ADGRL3: variants seen among roughly 807,000 people sequenced by gnomAD.
ADGRL3 encodes adhesion G protein-coupled receptor L3.
Under a neutral mutation model 153.5 loss-of-function variants are expected in ADGRL3, and 62 were observed. The observed-to-expected ratio is 0.40, with a 90% CI of 0.33 to 0.50. The LOEUF is 0.50. Ranked by LOEUF, ADGRL3 falls within the 20% of genes least tolerant of loss-of-function variation. The pLI is 0.47. For synonymous variants in ADGRL3, 710 were observed against 672.5 expected (o/e 1.06, Z -0.86); for missense variants, 1,641 against 1,859.4 (o/e 0.88, Z 2.16).
chr4:62,003,099 G>T (rs892301868), intron 21 of ADGRL3, among the ~76,000 whole-genome samples: 1 of 152,038 alleles, frequency 6.6e-6, no homozygotes, highest in African/African-American at 2.4e-5. Flanking sequence ...TGAAATAATG[G>T]CCATTTTAAG....
intron 8 of ADGRL3, among the ~76,000 whole-genome samples, chr4:61,743,758 C>G (rs1027836222): frequency 1.3e-5 from 2 of 152,286 alleles, no homozygotes; most frequent in Middle Eastern, 3.4e-3. Context: ...GGAACAGCTC[C>G]GCTCTACAGC....
chr4:61,338,636 A>C (rs961146417), intron 1 of ADGRL3, among the ~76,000 whole-genome samples: 5 of 152,130 alleles, frequency 3.3e-5, no homozygotes, highest in Non-Finnish European at 7.3e-5. Flanking sequence ...ATGTGTTGCT[A>C]TTTCCGAATT....
intron 9 of ADGRL3, among the ~76,000 whole-genome samples, chr4:61,881,267 A>T (rs773322603): frequency 6.6e-6 from 1 of 152,236 alleles, no homozygotes; most frequent in African/African-American, 2.4e-5. Flanking sequence ...TCTGCAATAG[A>T]TCAAAGTTAC....
intron 8 of ADGRL3, among the ~76,000 whole-genome samples, chr4:61,737,475 C>T (rs1435252897): frequency 6.6e-6 from 1 of 152,132 alleles, no homozygotes; most frequent in Non-Finnish European, 1.5e-5. Context: ...GCTTGGGAGT[C>T]AGAAGGACGT....
chr4:61,552,312 C>T (rs868355389), intron 4 of ADGRL3, among the ~76,000 whole-genome samples: 2 of 152,150 alleles, frequency 1.3e-5, no homozygotes, highest in Non-Finnish European at 2.9e-5. Flanking sequence ...ATTTGATTCA[C>T]ATGTTTCAAC....
chr4:61,532,238 C>G (rs2098623073), intron 4 of ADGRL3, among the ~76,000 whole-genome samples: 1 of 152,136 alleles, frequency 6.6e-6, no homozygotes, highest in Non-Finnish European at 1.5e-5. Context: ...ATAGCCAGAG[C>G]AGCTTTCTGC....
At chr4:61,347,150 G>A (rs1292893650) in intron 1 of ADGRL3, among the ~76,000 whole-genome samples, 1 of 152,028 alleles carries the variant, frequency 6.6e-6, no homozygotes, top group East Asian at 1.9e-4. Context: ...TATCTTCACT[G>A]AATGTGAAAC....
intron 2 of ADGRL3, among the ~76,000 whole-genome samples, chr4:61,477,078 C>T (rs953952103): frequency 1.1e-4 from 16 of 151,816 alleles, no homozygotes; most frequent in African/African-American, 2.2e-4. Flanking sequence ...ATATCTGATA[C>T]GTAATTTAAA....
chr4:61,750,617 C>T (rs1029155168), intron 8 of ADGRL3, among the ~76,000 whole-genome samples: 10 of 151,872 alleles, frequency 6.6e-5, no homozygotes, highest in Non-Finnish European at 1.5e-4. Context: ...CGGTGAAACC[C>T]CGTCTCTACT....
intron 5 of ADGRL3, among the ~76,000 whole-genome samples, chr4:61,668,270 A>T (rs1379047499): frequency 6.6e-6 from 1 of 152,232 alleles, no homozygotes; most frequent in Non-Finnish European, 1.5e-5. Context: ...GAATGAGGGC[A>T]CAGCCTCTAG....
chr4:61,503,561 A>T (rs547225640), intron 3 of ADGRL3, among the ~76,000 whole-genome samples: 1 of 152,076 alleles, frequency 6.6e-6, no homozygotes, highest in Non-Finnish European at 1.5e-5. Context: ...TTTTCTTTAT[A>T]TTGTCAAATT....
At chr4:61,368,449 C>T (rs1053608650) in intron 1 of ADGRL3, among the ~76,000 whole-genome samples, 1 of 152,152 alleles carries the variant, frequency 6.6e-6, no homozygotes, top group African/African-American at 2.4e-5. Context: ...CTACATATGG[C>T]TGGCCAGTTT....
chr4:61,251,833 T>C (rs1205174234), intron 1 of ADGRL3, among the ~76,000 whole-genome samples: 1 of 151,620 alleles, frequency 6.6e-6, no homozygotes, highest in African/African-American at 2.4e-5. Flanking sequence ...AGTGATACTT[T>C]ATTTTTCTTG....
At chr4:61,974,574 T>G (rs574899552) in intron 17 of ADGRL3, among the ~76,000 whole-genome samples, 1 of 152,314 alleles carries the variant, frequency 6.6e-6, no homozygotes, top group Non-Finnish European at 1.5e-5. Flanking sequence ...TTATGTGAAT[T>G]ACTTATCACA....
intron 3 of ADGRL3, among the ~76,000 whole-genome samples, chr4:61,511,184 C>A (rs547339984): frequency 6.6e-6 from 1 of 152,004 alleles, no homozygotes; most frequent in Admixed American, 6.6e-5. Context: ...TTGGTGAAAC[C>A]CTCTCTCTAC....
At chr4:61,546,203 T>C (rs1415177095) in intron 4 of ADGRL3, among the ~76,000 whole-genome samples, 3 of 152,190 alleles carry the variant, frequency 2.0e-5, no homozygotes, top group African/African-American at 7.2e-5. Flanking sequence ...TCTGACGGCT[T>C]AACTTTACTC....
At chr4:61,372,357 G>T (rs1186587505) in intron 1 of ADGRL3, among the ~76,000 whole-genome samples, 1 of 151,968 alleles carries the variant, frequency 6.6e-6, no homozygotes, top group Non-Finnish European at 1.5e-5. Context: ...CCATCTTTGT[G>T]GTTTTATCTA....
chr4:61,426,155 A>G (rs1333478965), intron 2 of ADGRL3, among the ~76,000 whole-genome samples: 2 of 152,278 alleles, frequency 1.3e-5, no homozygotes, highest in African/African-American at 4.8e-5. Flanking sequence ...AAGTCTTGCC[A>G]CATGGCGTGG....
At chr4:61,989,325 A>C (rs2099096158) in intron 19 of ADGRL3, among the ~76,000 whole-genome samples, 1 of 152,064 alleles carries the variant, frequency 6.6e-6, no homozygotes, top group African/African-American at 2.4e-5. Flanking sequence ...TGATGTTATA[A>C]AATGTTCTTA....
Sources: gnomAD v4.1 joint callset for allele counts (sites outside exome capture counted in the v4.1 genomes callset) on GRCh38, gnomAD v4.1.1 for gene constraint, MANE v1.5 for transcripts, NCBI Gene and HGNC (gene_info 2026-07-23, HGNC 2026-07-21) for gene names.